The following TASOR variants were observed in gnomAD, a reference collection of about 807,000 sequenced individuals.
TASOR encodes the protein transcription activation suppressor, also known as protein TASOR.
TASOR carries 53 observed loss-of-function variants against 178.6 expected under a neutral mutation model. The observed-to-expected ratio is 0.30, with a 90% CI of 0.24 to 0.37. TASOR has a LOEUF of 0.37. Among genes scored for constraint, TASOR ranks in the 10% least tolerant of loss-of-function variants. The pLI is 1.00. For synonymous variants in TASOR, 713 were observed against 696.2 expected, an observed-to-expected ratio of 1.02 and a Z score of -0.38; for missense variants, 1,815 against 1,971.4, an observed-to-expected ratio of 0.92 and a Z score of 1.50.
intron 14 of TASOR, among the ~76,000 whole-genome samples, chr3:56,645,389 T>C (rs1027285247): frequency 2.0e-5 from 3 of 152,158 alleles, no homozygotes; most frequent in Non-Finnish European, 1.5e-5. Flanking sequence ...ACTAAGACAC[T>C]GATCTGACTA....
Position 56,641,748 on chromosome 3 carries a change from A to T in TASOR, c.2220T>A (p.Ser740=), listed in dbSNP as rs746866492. The change falls in exon 15 of 24, where the codon TCT becomes TCA. Residue 740 remains serine, a synonymous_variant. Coordinates refer to ENST00000683822, the MANE Select transcript of TASOR (RefSeq NM_001365635.2). ...LSENCHLYEE[S]PQPIGSLGHD... ...GTCCAAGTGAGCCAATAGGCTGTGGAGACTCTGAGAAAAAGGAAGTCATTG... is the reference window on the plus strand; with the variant it reads ...GTCCAAGTGAGCCAATAGGCTGTGGTGACTCTGAGAAAAAGGAAGTCATTG... The T allele has an allele frequency of 1.3e-5, 20 of 1,596,574 alleles. No individual in the cohort carries two copies. Among genetic ancestry groups the T allele is most frequent in the Non-Finnish European group, 1.6e-5 (19 of 1,168,788 alleles).
intron 19 of TASOR, 33 bp from the exon 20 acceptor site, chr3:56,627,774 A>ATTG (rs2076830041): frequency 6.2e-7 from 1 of 1,600,944 alleles, no homozygotes; most frequent in East Asian, 2.2e-5. Context: ...AGAGAAACAG[A>ATTG]TGGAGGGAAT....
intron 16 of TASOR, 94 bp from the exon 17 acceptor site, chr3:56,638,859 T>C: frequency 1.7e-6 from 2 of 1,176,328 alleles, no homozygotes; most frequent in South Asian, 2.5e-5. Flanking sequence ...AATGCAAGCA[T>C]TCCTTCTTCT....
intron 11 of TASOR, among the ~76,000 whole-genome samples, chr3:56,660,190 T>C (rs2077562368): frequency 6.6e-6 from 1 of 151,846 alleles, no homozygotes; most frequent in Non-Finnish European, 1.5e-5. Context: ...TCACAAAGTA[T>C]AATAAAGATA....
chr3:56,653,187 C>T (rs1484463541), intron 11 of TASOR, among the ~76,000 whole-genome samples: 6 of 136,360 alleles, frequency 4.4e-5, no homozygotes, highest in African/African-American at 1.6e-4. Flanking sequence ...TGCTTGAACC[C>T]GGGAGGTGGA....
chr3:56,623,962 C>CT (rs1292667728), intron 23 of TASOR: 6 of 759,292 alleles, frequency 7.9e-6, no homozygotes, highest in African/African-American at 5.4e-5. Flanking sequence ...ATCATTTCTG[C>CT]TTTTTTTCAT....
Position 56,621,531 on chromosome 3 carries a change from G to T in TASOR, c.*1506C>A, listed in dbSNP as rs4527349. The T allele has an allele frequency of 6.3e-7, 1 of 1,581,384 alleles. No homozygotes were observed. Among genetic ancestry groups the T allele is most frequent in the East Asian group, 2.3e-5 (1 of 44,258 alleles). ...ACAAACATATATCAATGTGATTTCA[G>T]GGCCTTCTCCAGAAGCAAAAGGAGT... On this transcript the variant is annotated 3_prime_UTR_variant, in exon 24 of 24. Coordinates refer to ENST00000683822, the MANE Select transcript of TASOR (RefSeq NM_001365635.2).
intron 18 of TASOR, among the ~76,000 whole-genome samples, chr3:56,632,657 CATTT>C (rs1392208391): frequency 6.6e-6 from 1 of 152,066 alleles, no homozygotes; most frequent in African/African-American, 2.4e-5. Flanking sequence ...ACACAATTAA[CATTT>C]ATTTTTAGAG....
chr3:56,666,078 ACTGT>A (rs1244658451), intron 7 of TASOR, among the ~76,000 whole-genome samples, 178 bp downstream of exon 7: 2 of 152,112 alleles, frequency 1.3e-5, no homozygotes, highest in African/African-American at 2.4e-5. Flanking sequence ...CACATGGTAA[ACTGT>A]CTGTTCTTCA....
At chr3:56,657,719 T>G (rs2077502870) in intron 11 of TASOR, among the ~76,000 whole-genome samples, 1 of 152,202 alleles carries the variant, frequency 6.6e-6, no homozygotes, top group Non-Finnish European at 1.5e-5. Context: ...AGAATGAGTT[T>G]CCAGGAATTT....
intron 11 of TASOR, among the ~76,000 whole-genome samples, chr3:56,656,594 C>A (rs2077474568): frequency 6.7e-6 from 1 of 150,330 alleles, no homozygotes; most frequent in East Asian, 1.9e-4. Context: ...CTGTCCCCCG[C>A]CCCCCCCCAA....
At chr3:56,648,106 C>T (rs1169634252) in intron 13 of TASOR, among the ~76,000 whole-genome samples, 2 of 152,180 alleles carry the variant, frequency 1.3e-5, no homozygotes, top group South Asian at 2.1e-4. Flanking sequence ...ACTCAAGAGG[C>T]TGAGGCAGGA....
Position 56,682,712 on chromosome 3 carries a change from T to G in TASOR, c.295A>C (p.Ser99Arg), listed in dbSNP as rs2031916451. ...PEEPERPVRR[S>R]FQIPRKSREK... ...CTGCTCTTCCTGGGGATCTGAAAAC[T>G]CCTCCTAACAGGCCTTTCGGGCTCT... Residue 99 changes from serine to arginine, a missense_variant, in exon 1 of 24, where the codon AGT becomes CGT. Coordinates refer to ENST00000683822, the MANE Select transcript of TASOR (RefSeq NM_001365635.2). 1 of 1,486,990 alleles carries G rather than the reference T, an allele frequency of 6.7e-7. No homozygotes were observed. The highest frequency in any genetic ancestry group is 1.4e-5 in the African/African-American group (1 of 69,822). The allele number at this position is 1,486,990 out of a possible 1,614,324, so 92.1% of individuals were successfully genotyped here.
At chr3:56,628,864 C>G in intron 18 of TASOR, 1 of 257,664 alleles carries the variant, frequency 3.9e-6, no homozygotes, top group Non-Finnish European at 7.3e-6. Context: ...AGGCTCAAGC[C>G]ACCCTCCCAC....
chr3:56,621,478 T>A lies in TASOR; in HGVS notation c.*1559A>T. 8.9e-7 allele frequency: 1 copy of A among 1,123,280 alleles called. No individual in the cohort carries two copies. Among genetic ancestry groups the A allele is most frequent in the Non-Finnish European group, 1.3e-6 (1 of 778,550 alleles). The allele number at this position is 1,123,280 out of a possible 1,614,324, so 69.6% of individuals were successfully genotyped here. On this transcript the variant is annotated 3_prime_UTR_variant, in exon 24 of 24. Coordinates refer to ENST00000683822, the MANE Select transcript of TASOR (RefSeq NM_001365635.2). ...AATATAATTCTAGTTTAACACAACA[T>A]TGCAAGTCAGGTGTGCACATTTTAC...
At chr3:56,674,828 GTTTGT>G (rs2031135304) in intron 1 of TASOR, among the ~76,000 whole-genome samples, 1 of 152,106 alleles carries the variant, frequency 6.6e-6, no homozygotes, top group South Asian at 2.1e-4. Flanking sequence ...GTAGGACATT[GTTTGT>G]TTTGAGATGG....
intron 18 of TASOR, among the ~76,000 whole-genome samples, 185 bp downstream of exon 18, chr3:56,632,859 A>G (rs56263252): frequency 0.11 from 16,728 of 152,112 alleles, 1,274 homozygotes; most frequent in South Asian, 0.35. Flanking sequence ...GCTTGTCATG[A>G]ACTCCTGGCC....
At chr3:56,672,570 TA>T (rs2030845602) in intron 2 of TASOR, among the ~76,000 whole-genome samples, 1 of 152,258 alleles carries the variant, frequency 6.6e-6, no homozygotes, top group Admixed American at 6.5e-5. Context: ...TCAAATATTC[TA>T]ATTTGTACAT....
At chr3:56,639,887 T>A (rs2077088168) in intron 16 of TASOR, 99 bp downstream of exon 16, 1 of 1,026,108 alleles carries the variant, frequency 9.7e-7, no homozygotes. Context: ...ATGAAGCACC[T>A]AGTGACCCAA....
Sources: allele counts gnomAD v4.1 joint callset (sites outside exome capture counted in the v4.1 genomes callset), GRCh38; gene constraint gnomAD v4.1.1; transcripts MANE v1.5; gene names NCBI Gene and HGNC (gene_info 2026-07-23, HGNC 2026-07-21).